The following PTGER2 variants were observed in gnomAD, a reference collection of about 807,000 sequenced individuals.
PTGER2 encodes the protein prostaglandin E2 receptor EP2 subtype.
PTGER2 carries 22 observed loss-of-function variants against 26.2 expected under a neutral mutation model. That is an observed-to-expected ratio of 0.84 (90% CI 0.60 to 1.20). The LOEUF (loss-of-function observed/expected upper bound fraction) is 1.20, where lower values mean the gene tolerates loss of function less well. PTGER2 is among the 50% of genes most tolerant of loss of function. PTGER2 has a pLI of 0.00. For synonymous variants in PTGER2, 219 were observed against 208.9 expected (o/e 1.05, Z -0.42); for missense variants, 458 against 475.2 (o/e 0.96, Z 0.34).
At chr14:52,320,225 A>C (rs368729421) in intron 1 of PTGER2, among the ~76,000 whole-genome samples, 5 of 152,222 alleles carry the variant, frequency 3.3e-5, no homozygotes, top group African/African-American at 1.2e-4. Context: ...TTTTAAGAGA[A>C]AGTTCCTCTA....
Position 52,314,393 on chromosome 14 carries a change from A to G in PTGER2, c.-156A>G. On this transcript the variant is annotated 5_prime_UTR_variant, in exon 1 of 2. Transcript: ENST00000245457. The surrounding 1 kb of genome is among the most constrained non-coding windows in gnomAD (Gnocchi z 5.7). ...CGGCGCGCGGCGGGAGACCCAGGGC[A>G]AGCCGCCGTCGGCGCGCTGGGTGCG... is the stretch of plus-strand genomic sequence containing the variant. The G allele has an allele frequency of 1.1e-6, 1 of 918,198 alleles. No homozygotes were observed. Among genetic ancestry groups the G allele is most frequent in the Non-Finnish European group, 1.4e-6 (1 of 697,826 alleles). The allele number at this position is 918,198 out of a possible 1,614,324, so 56.9% of individuals were successfully genotyped here.
Position 52,314,497 on chromosome 14 carries a change from C to G in PTGER2, c.-52C>G. ...GCTCCGGCTCTCAGACCCTCTTCCT[C>G]CCAGGTAAAGGCCGGGAGAGGAGGG... On this transcript the variant is annotated 5_prime_UTR_variant, in exon 1 of 2. Transcript: ENST00000245457. The surrounding 1 kb of genome is among the most constrained non-coding windows in gnomAD (Gnocchi z 5.7). The G allele has an allele frequency of 7.0e-7, 1 of 1,430,922 alleles. No individual in the cohort carries two copies. The highest frequency in any genetic ancestry group is 9.2e-7 in the Non-Finnish European group (1 of 1,091,712). 88.6% of individuals were successfully genotyped at this position (1,430,922 alleles called of 1,614,324 possible).
chr14:52,321,429 G>A (rs187607683), intron 1 of PTGER2, among the ~76,000 whole-genome samples: 1 of 152,252 alleles, frequency 6.6e-6, no homozygotes, highest in African/African-American at 2.4e-5. Flanking sequence ...AAATAGCCAT[G>A]GTTTTTCAGT....
At chr14:52,327,144 A>C in intron 1 of PTGER2, 77 bp from the exon 2 acceptor site, 1 of 1,086,922 alleles carries the variant, frequency 9.2e-7, no homozygotes, top group Admixed American at 2.5e-5. Flanking sequence ...TTAAATCTCA[A>C]GACATAACAT....
At chr14:52,324,334 T>C (rs553910910) in intron 1 of PTGER2, among the ~76,000 whole-genome samples, 63 of 152,214 alleles carry the variant, frequency 4.1e-4, no homozygotes, top group Admixed American at 1.5e-3. Flanking sequence ...CAGTTTAGGA[T>C]TGGTTAGGTT....
rs1194980737 is a variant in PTGER2, at chr14:52,314,998, C to A, written c.450C>A (p.Arg150=). The A allele has an allele frequency of 6.2e-7, 1 of 1,613,306 alleles. No individual in the cohort carries two copies. The highest frequency in any genetic ancestry group is 1.3e-5 in the African/African-American group (1 of 74,944). ...HPYFYQRRVS[R]SGGLAVLPVI... ...ACTTCTACCAGCGCCGCGTCTCGCG[C>A]TCCGGGGGCCTGGCCGTGCTGCCTG... The change falls in exon 1 of 2, where the codon CGC becomes CGA. Residue 150 remains arginine, a synonymous_variant. Coordinates refer to ENST00000245457, the MANE Select transcript of PTGER2 (RefSeq NM_000956.4). The surrounding 1 kb of genome is among the most constrained non-coding windows in gnomAD (Gnocchi z 5.7).
At chr14:52,321,570 T>A (rs1348314884) in intron 1 of PTGER2, among the ~76,000 whole-genome samples, 1 of 152,256 alleles carries the variant, frequency 6.6e-6, no homozygotes, top group Non-Finnish European at 1.5e-5. Flanking sequence ...GCTTTTTATA[T>A]AGATGGCAGC....
rs1234475556 is a variant in PTGER2 at position 52,328,466 on chromosome 14, T to C, written c.*1012T>C. On this transcript the variant is annotated 3_prime_UTR_variant, in exon 2 of 2. Coordinates refer to ENST00000245457, the MANE Select transcript of PTGER2 (RefSeq NM_000956.4). ...AACCATGTAGCAGTGAGTCATATCT[T>C]AATATATTTCTAAATGTTTGGCATG... 1 of 152,510 alleles carries C rather than the reference T, an allele frequency of 6.6e-6. No individual in the cohort carries two copies. The highest frequency in any genetic ancestry group is 2.4e-5 in the African/African-American group (1 of 41,470). The allele number at this position is 152,510 out of a possible 1,614,324, so 9.4% of individuals were successfully genotyped here. A position where few individuals can be genotyped will look rare whatever the true frequency, so the allele number is the denominator to read the frequency against.
intron 1 of PTGER2, among the ~76,000 whole-genome samples, chr14:52,320,105 C>G (rs2033880181): frequency 6.6e-6 from 1 of 152,178 alleles, no homozygotes; most frequent in African/African-American, 2.4e-5. Context: ...TGAACTTTGC[C>G]TGGTGATAGT....
chr14:52,319,110 G>A (rs1056084697), intron 1 of PTGER2, among the ~76,000 whole-genome samples: 42 of 152,314 alleles, frequency 2.8e-4, no homozygotes, highest in African/African-American at 9.4e-4. Context: ...TAACAGATGA[G>A]AAGATTAATC....
At position 52,326,125 on chromosome 14, in the gene PTGER2, G is replaced by T. The variant is rs372430765; in HGVS notation, c.844-1096G>T. On this transcript the variant is annotated intron_variant, in intron 1 of 1. Coordinates refer to ENST00000245457, the MANE Select transcript of PTGER2 (RefSeq NM_000956.4). ...TGCATTATTCCATTCCTTCCAACCTGCCCAAACATTTATGTTGCTCCCTAA... is the reference window on the plus strand; with the variant it reads ...TGCATTATTCCATTCCTTCCAACCTTCCCAAACATTTATGTTGCTCCCTAA... 2.6e-5 allele frequency among the ~76,000 whole-genome samples: 4 copies of T among 152,266 alleles called. No individual in the cohort carries two copies. The South Asian group carries it at 8.3e-4, about 32-fold the overall frequency.
rs146023549 is a variant in PTGER2 at position 52,326,282 on chromosome 14, G to A, written c.844-939G>A. On this transcript the variant is annotated intron_variant, in intron 1 of 1. Transcript: ENST00000245457. ...CAGGCCTGCACGTAGCACACAGTGA[G>A]CACTGCACTGGCATCAGGAGAGTTG... Among the ~76,000 whole-genome samples, 4 of 152,312 alleles carry A rather than the reference G, an allele frequency of 2.6e-5. No homozygotes were observed. The East Asian group carries it at 7.7e-4, about 29-fold the overall frequency.
chr14:52,314,693 C>G lies in PTGER2; in HGVS notation c.145C>G (p.Arg49Gly). The change falls in exon 1 of 2, where the codon CGC (arginine) becomes GGC (glycine). Residue 49 changes from arginine to glycine, a missense_variant. Coordinates refer to ENST00000245457, the MANE Select transcript of PTGER2 (RefSeq NM_000956.4). This position sits in a 1 kb window ranked among gnomAD's most constrained non-coding sequence, Gnocchi z 5.7. ...NLIALALLAR[R>G]WRGDVGCSAG... Reference sequence around the variant, plus strand: ...CATAGCACTGGCGCTGCTGGCGCGCCGCTGGCGGGGGGACGTGGGGTGCAG... The same window carrying G: ...CATAGCACTGGCGCTGCTGGCGCGCGGCTGGCGGGGGGACGTGGGGTGCAG... 1.3e-6 allele frequency: 2 copies of G among 1,551,682 alleles called. No individual in the cohort carries two copies. Among genetic ancestry groups the G allele is most frequent in the Non-Finnish European group, 1.7e-6 (2 of 1,145,706 alleles).
chr14:52,316,376 C>T (rs2033840894), intron 1 of PTGER2, among the ~76,000 whole-genome samples: 1 of 152,140 alleles, frequency 6.6e-6, no homozygotes, highest in South Asian at 2.1e-4. Context: ...TCAAGTGTAA[C>T]GTTTTAGCTG....
At chr14:52,324,205 C>T (rs2033925885) in intron 1 of PTGER2, among the ~76,000 whole-genome samples, 1 of 152,108 alleles carries the variant, frequency 6.6e-6, no homozygotes. Flanking sequence ...CATGGTGGAC[C>T]ACTCAGGGCC....
At chr14:52,315,921 G>C (rs2033836439) in intron 1 of PTGER2, among the ~76,000 whole-genome samples, 1 of 152,246 alleles carries the variant, frequency 6.6e-6, no homozygotes, top group Non-Finnish European at 1.5e-5. Context: ...TCCCAGATGA[G>C]AAGGGTCCCT....
chr14:52,325,209 A>G (rs1326104324), intron 1 of PTGER2, among the ~76,000 whole-genome samples: 1 of 96,350 alleles, frequency 1.0e-5, no homozygotes, highest in African/African-American at 3.6e-5. Flanking sequence ...TCTCAAAATT[A>G]CCCAGCATAG....
chr14:52,325,037 G>A (rs1307966783), intron 1 of PTGER2, among the ~76,000 whole-genome samples: 2 of 152,076 alleles, frequency 1.3e-5, no homozygotes, highest in East Asian at 3.9e-4. Flanking sequence ...TACTCAGGAG[G>A]CTGCAGCAGG....
intron 1 of PTGER2, among the ~76,000 whole-genome samples, chr14:52,322,201 T>A (rs1045614795): frequency 1.3e-5 from 2 of 152,302 alleles, no homozygotes; most frequent in East Asian, 3.9e-4. Flanking sequence ...ATTATACAGC[T>A]GGGCCGCTGG....
Sources: allele counts gnomAD v4.1 joint callset (sites outside exome capture counted in the v4.1 genomes callset), GRCh38; gene constraint gnomAD v4.1.1; non-coding constraint Gnocchi (gnomAD v3.1); transcripts MANE v1.5; gene names NCBI Gene and HGNC (gene_info 2026-07-23, HGNC 2026-07-21).